The following SYNPR variants were observed in gnomAD, a reference collection of about 807,000 sequenced individuals.
SYNPR encodes synaptoporin.
SYNPR carries 23 observed loss-of-function variants against 32.9 expected under a neutral mutation model. The ratio of observed to expected loss-of-function variants is 0.70; its 90% CI spans 0.50 to 0.99. The LOEUF (loss-of-function observed/expected upper bound fraction) is 0.99, where lower values mean the gene tolerates loss of function less well. Among genes scored for constraint, SYNPR ranks in the 50% least tolerant of loss-of-function variants. SYNPR has a pLI of 0.00. For synonymous variants in SYNPR, 146 were observed against 135.9 expected (o/e 1.07, Z -0.52); for missense variants, 318 against 349.3 (o/e 0.91, Z 0.71).
intron 2 of SYNPR, among the ~76,000 whole-genome samples, chr3:63,408,178 G>GAAAT (rs1560220758): frequency 8.8e-6 from 1 of 113,624 alleles, no homozygotes. Flanking sequence ...AAGAAAGAAA[G>GAAAT]AAAGAAAGAA....
intron 2 of SYNPR, among the ~76,000 whole-genome samples, chr3:63,397,721 A>G (rs193001269): frequency 5.6e-4 from 85 of 152,316 alleles, no homozygotes; most frequent in Admixed American, 1.3e-3. Flanking sequence ...GCCACTGACT[A>G]GCTGTATGAC....
At chr3:63,302,644 A>C (rs1241456363) in intron 2 of SYNPR, among the ~76,000 whole-genome samples, 2 of 152,070 alleles carry the variant, frequency 1.3e-5, no homozygotes, top group African/African-American at 4.8e-5. Context: ...CATTAATGAA[A>C]TAAGGCACCA....
intron 3 of SYNPR, among the ~76,000 whole-genome samples, chr3:63,533,917 T>C (rs910756899): frequency 2.6e-5 from 4 of 152,164 alleles, no homozygotes; most frequent in South Asian, 2.1e-4. Context: ...ATTGAGTGTT[T>C]TGGCAACCAA....
intron 1 of SYNPR, among the ~76,000 whole-genome samples, chr3:63,236,100 T>C (rs1398113830): frequency 1.3e-5 from 2 of 152,038 alleles, no homozygotes; most frequent in Non-Finnish European, 2.9e-5. Flanking sequence ...CCCAATTAGT[T>C]TGGCACCATT....
chr3:63,616,062 T>G lies in SYNPR; in HGVS notation c.*581T>G, dbSNP rs531960914. On this transcript the variant is annotated 3_prime_UTR_variant, in exon 6 of 6. Coordinates refer to ENST00000478300, the MANE Select transcript of SYNPR (RefSeq NM_001130003.2). ...AACATTTGAACTGTGTTTATGAAAA[T>G]TTTCTGGTTTGCACCATGAATTTGT... 2.0e-5 allele frequency: 3 copies of G among 152,352 alleles called. No individual in the cohort carries two copies. Among genetic ancestry groups the G allele is most frequent in the East Asian group, 3.9e-4 (2 of 5,192 alleles). 9.4% of individuals were successfully genotyped at this position (152,352 alleles called of 1,614,324 possible). A position where few individuals can be genotyped will look rare whatever the true frequency, so the allele number is the denominator to read the frequency against.
At chr3:63,372,384 G>C (rs1258585453) in intron 2 of SYNPR, among the ~76,000 whole-genome samples, 1 of 151,946 alleles carries the variant, frequency 6.6e-6, no homozygotes, top group African/African-American at 2.4e-5. Flanking sequence ...GCTCCCAGAG[G>C]CAACTGAAAG....
intron 2 of SYNPR, among the ~76,000 whole-genome samples, chr3:63,371,382 G>A (rs1177898395): frequency 6.6e-6 from 1 of 152,152 alleles, no homozygotes; most frequent in African/African-American, 2.4e-5. Flanking sequence ...GGGAGGTCAG[G>A]CTCCCTTGCA....
chr3:63,493,689 A>G (rs781455860), intron 3 of SYNPR, among the ~76,000 whole-genome samples: 1 of 151,682 alleles, frequency 6.6e-6, no homozygotes, highest in Non-Finnish European at 1.5e-5. Flanking sequence ...GGTGGCGCAC[A>G]CCTGTAGTCC....
chr3:63,443,378 A>C, intron 2 of SYNPR: 1 of 1,570,878 alleles, frequency 6.4e-7, no homozygotes, highest in Non-Finnish European at 8.6e-7. Flanking sequence ...GAGAAGCTTT[A>C]TTTTTAGTAT....
At chr3:63,396,862 T>C (rs894503762) in intron 2 of SYNPR, among the ~76,000 whole-genome samples, 10 of 152,120 alleles carry the variant, frequency 6.6e-5, no homozygotes, top group Non-Finnish European at 5.9e-5. Context: ...CCCAGCACTT[T>C]GGAAGGCCGA....
intron 4 of SYNPR, among the ~76,000 whole-genome samples, chr3:63,559,070 CTTTTT>C (rs34219166): frequency 3.2e-5 from 4 of 126,178 alleles, no homozygotes; most frequent in Admixed American, 7.8e-5. Context: ...TCAATACTTT[CTTTTT>C]TTTTTTTTTT....
At chr3:63,614,086 G>C (rs371996492) in intron 5 of SYNPR, among the ~76,000 whole-genome samples, 4 of 152,142 alleles carry the variant, frequency 2.6e-5, no homozygotes, top group East Asian at 3.8e-4. Context: ...GAAACTAAGG[G>C]ATAGATATTG....
At position 63,612,367 on chromosome 3, in the gene SYNPR, G is replaced by A. The variant is rs533158593; in HGVS notation, c.601-2857G>A. On this transcript the variant is annotated intron_variant, in intron 5 of 5. Coordinates refer to ENST00000478300, the MANE Select transcript of SYNPR (RefSeq NM_001130003.2). ...ACAGAAGGAAGAAATAATGTTTTTA[G>A]TCTCTCAATTTCTTTCAAAGTTTCA... is the stretch of plus-strand genomic sequence containing the variant. 1.1e-4 allele frequency among the ~76,000 whole-genome samples: 17 copies of A among 152,318 alleles called. No individual in the cohort carries two copies. In the East Asian group the frequency reaches 3.1e-3, roughly 28 times the overall value.
At chr3:63,260,258 G>A (rs1031858961) in intron 2 of SYNPR, among the ~76,000 whole-genome samples, 7 of 152,106 alleles carry the variant, frequency 4.6e-5, no homozygotes, top group Admixed American at 1.3e-4. Context: ...AGCCCGCATC[G>A]CCAAGTCAAT....
chr3:63,441,930 G>A (rs1409567692), intron 2 of SYNPR, among the ~76,000 whole-genome samples: 1 of 152,162 alleles, frequency 6.6e-6, no homozygotes, highest in South Asian at 2.1e-4. Flanking sequence ...GCTCTATGAG[G>A]CATAAGTGTA....
chr3:63,592,111 G>A (rs548727568), intron 4 of SYNPR, among the ~76,000 whole-genome samples: 2 of 152,060 alleles, frequency 1.3e-5, no homozygotes, highest in African/African-American at 4.8e-5. Flanking sequence ...ACACACAGAA[G>A]GTGACGTGAA....
At position 63,468,491 on chromosome 3, in the gene SYNPR, G is replaced by GCACACACACACACACACACACACACACA. The variant is rs10663212; in HGVS notation, c.85-12317_85-12316insCACACACACACACACACACACACACACA. On this transcript the variant is annotated intron_variant, in intron 2 of 5. Coordinates refer to ENST00000478300, the MANE Select transcript of SYNPR (RefSeq NM_001130003.2). ...GGATTCTATTTAATATACCTGCAAAGCACACACACACACACACACACACAA... is the reference window on the plus strand; with the variant it reads ...GGATTCTATTTAATATACCTGCAAAGCACACACACACACACACACACACACACACACACACACACACACACACACACAA... Among the ~76,000 whole-genome samples, 122 of 148,650 alleles carry GCACACACACACACACACACACACACACA rather than the reference G, an allele frequency of 8.2e-4. 1 individual carries two copies. The highest frequency in any genetic ancestry group is 3.5e-3 in the Middle Eastern group (1 of 288).
chr3:63,401,594 G>T (rs2088293904), intron 2 of SYNPR, among the ~76,000 whole-genome samples: 1 of 152,098 alleles, frequency 6.6e-6, no homozygotes. Flanking sequence ...AGTTTTGAAT[G>T]GCATTAGCTG....
chr3:63,510,239 A>G (rs1701670891), intron 3 of SYNPR, among the ~76,000 whole-genome samples: 1 of 152,204 alleles, frequency 6.6e-6, no homozygotes, highest in Admixed American at 6.5e-5. Context: ...AAGAAGCAGA[A>G]CATTCAAACC....
Sources: gnomAD v4.1 joint callset for allele counts (sites outside exome capture counted in the v4.1 genomes callset) on GRCh38, gnomAD v4.1.1 for gene constraint, MANE v1.5 for transcripts, NCBI Gene and HGNC (gene_info 2026-07-23, HGNC 2026-07-21) for gene names.